The following CDK14 variants were observed in gnomAD, a reference collection of about 807,000 sequenced individuals.
The protein encoded by CDK14 is cyclin dependent kinase 14.
In CDK14, 34 loss-of-function variants were observed where a neutral mutation model predicts 60.7. That is an observed-to-expected ratio of 0.56 (90% CI 0.43 to 0.75). The LOEUF is 0.75. CDK14 is among the 30% of genes least tolerant of loss of function. The pLI, the probability that CDK14 is intolerant of heterozygous loss-of-function variation, is 0.00. For missense variants in CDK14, 482 were observed against 564.1 expected (o/e 0.85, Z 1.47); for synonymous variants, 197 against 203.7 (o/e 0.97, Z 0.28).
At chr7:90,739,565 C>G (rs1229336415) in intron 3 of CDK14, among the ~76,000 whole-genome samples, 1 of 152,076 alleles carries the variant, frequency 6.6e-6, no homozygotes, top group African/African-American at 2.4e-5. Flanking sequence ...TTATTTGTGC[C>G]TTTCCAGAAA....
At chr7:91,137,635 C>A (rs1384109258) in intron 14 of CDK14, among the ~76,000 whole-genome samples, 1 of 151,878 alleles carries the variant, frequency 6.6e-6, no homozygotes, top group Non-Finnish European at 1.5e-5. Flanking sequence ...CACGCACACA[C>A]ACACTCACAC....
intron 2 of CDK14, among the ~76,000 whole-genome samples, chr7:90,697,305 A>G (rs554503049): frequency 6.6e-6 from 1 of 152,280 alleles, no homozygotes; most frequent in South Asian, 2.1e-4. Flanking sequence ...CAGTCGCTAT[A>G]ACATGAGAAA....
At chr7:91,086,926 C>T (rs1003478090) in intron 12 of CDK14, among the ~76,000 whole-genome samples, 1 of 152,040 alleles carries the variant, frequency 6.6e-6, no homozygotes, top group Admixed American at 6.6e-5. Flanking sequence ...AAACACTATT[C>T]GCTTTTAGCG....
chr7:91,112,415 T>G, intron 12 of CDK14, 127 bp from the exon 13 acceptor site: 2 of 1,007,318 alleles, frequency 2.0e-6, no homozygotes, highest in Non-Finnish European at 2.9e-6. Context: ...CTTCTGTTTA[T>G]TTCAGCAGGT....
At chr7:90,774,179 C>T (rs1428916977) in intron 4 of CDK14, among the ~76,000 whole-genome samples, 2 of 151,914 alleles carry the variant, frequency 1.3e-5, no homozygotes, top group African/African-American at 4.8e-5. Context: ...GCTGAGATTA[C>T]AGGTGTGAGC....
intron 5 of CDK14, among the ~76,000 whole-genome samples, chr7:90,846,547 C>T (rs1790475860): frequency 6.6e-6 from 1 of 152,082 alleles, no homozygotes; most frequent in Non-Finnish European, 1.5e-5. Flanking sequence ...CTAAGCAGTA[C>T]CCCAGATTCT....
At chr7:91,087,472 A>G (rs966798654) in intron 12 of CDK14, among the ~76,000 whole-genome samples, 10 of 152,202 alleles carry the variant, frequency 6.6e-5, no homozygotes, top group Admixed American at 5.9e-4. Context: ...TAGTTCCACT[A>G]CTGAGCTGTG....
intron 2 of CDK14, among the ~76,000 whole-genome samples, chr7:90,671,369 G>T (rs1297131666): frequency 6.6e-6 from 1 of 151,666 alleles, no homozygotes; most frequent in Non-Finnish European, 1.5e-5. Context: ...GGTTATTTAG[G>T]TTCACTGTAG....
At chr7:90,762,394 C>G (rs910017200) in intron 4 of CDK14, among the ~76,000 whole-genome samples, 7 of 152,112 alleles carry the variant, frequency 4.6e-5, no homozygotes, top group Non-Finnish European at 1.0e-4. Context: ...AATTTTTGCT[C>G]TCTCTGGGAT....
rs576074563 is a variant in CDK14 at position 90,794,389 on chromosome 7, A to G, written c.544+3737A>G. 4.1e-3 allele frequency among the ~76,000 whole-genome samples: 626 copies of G among 152,290 alleles called. 2 individuals are homozygous for G. Among genetic ancestry groups the G allele is most frequent in the Non-Finnish European group, 6.9e-3 (469 of 68,022 alleles). On this transcript the variant is annotated intron_variant, in intron 5 of 14. Coordinates refer to ENST00000380050, the MANE Select transcript of CDK14 (RefSeq NM_001287135.2). The stretch of plus-strand genomic sequence containing the variant: ...TAGGCGGGAATTTCCTCATCCTAAT[A>G]AGCCTGCGAGCTCTATGGGAGACCA...
intron 14 of CDK14, among the ~76,000 whole-genome samples, chr7:91,185,485 T>TG (rs1802147980): frequency 6.6e-6 from 1 of 152,112 alleles, no homozygotes. Context: ...ACTTACCATA[T>TG]AGAACTACTT....
intron 2 of CDK14, chr7:90,709,388 A>G (rs1041635693): frequency 5.1e-6 from 7 of 1,383,094 alleles, no homozygotes; most frequent in Non-Finnish European, 6.5e-6. Flanking sequence ...TGAATTGAGC[A>G]TGATGAGGTG....
chr7:90,603,317 G>A (rs73221392), intron 1 of CDK14, among the ~76,000 whole-genome samples: 22,636 of 152,078 alleles, frequency 0.15, 1,797 homozygotes, highest in Middle Eastern at 0.24. Context: ...GAACAGTCAC[G>A]CATACTTGAT....
intron 5 of CDK14, among the ~76,000 whole-genome samples, chr7:90,803,716 C>G (rs1367569518): frequency 6.6e-6 from 1 of 152,100 alleles, no homozygotes; most frequent in South Asian, 2.1e-4. Flanking sequence ...AAATTGAGAA[C>G]TTTACAAGTC....
At chr7:90,985,331 TGAGGGATAATAACAGCACC>T (rs1345629612) in intron 10 of CDK14, among the ~76,000 whole-genome samples, 47 of 152,180 alleles carry the variant, frequency 3.1e-4, no homozygotes, top group African/African-American at 1.1e-3. Context: ...ATGGGTGAAA[TGAGGGATAATAACAGCACC>T]TTCTTCATAG....
Position 91,105,815 on chromosome 7 carries a change from C to G in CDK14, c.1155-6727C>G, listed in dbSNP as rs1353301315. Among the ~76,000 whole-genome samples the G allele has an allele frequency of 2.6e-5, 4 of 151,986 alleles. 1 individual carries two copies. Among genetic ancestry groups the G allele is most frequent in the Admixed American group, 2.6e-4 (4 of 15,244 alleles). The stretch of plus-strand genomic sequence containing the variant: ...AAATGTTGTAGTAAAGAAATAAGAT[C>G]ATATAAAAAACTTAAGAGACTATCA... On this transcript the variant is annotated intron_variant, in intron 12 of 14. Coordinates refer to ENST00000380050, the MANE Select transcript of CDK14 (RefSeq NM_001287135.2).
At chr7:90,820,901 A>G (rs886194939) in intron 5 of CDK14, among the ~76,000 whole-genome samples, 2 of 152,146 alleles carry the variant, frequency 1.3e-5, no homozygotes, top group Non-Finnish European at 2.9e-5. Context: ...GTTTTCATTA[A>G]CTGAAAGATA....
At chr7:90,605,237 C>T (rs368290260) in intron 2 of CDK14, among the ~76,000 whole-genome samples, 3 of 152,172 alleles carry the variant, frequency 2.0e-5, no homozygotes, top group African/African-American at 4.8e-5. Flanking sequence ...TCAGAGAGAA[C>T]CTGCTCCAGG....
At chr7:90,847,885 T>C (rs1239914805) in intron 5 of CDK14, among the ~76,000 whole-genome samples, 7 of 152,150 alleles carry the variant, frequency 4.6e-5, no homozygotes, top group African/African-American at 1.7e-4. Flanking sequence ...AAAAATGTAA[T>C]TTTTTTAGGT....
Sources: allele counts gnomAD v4.1 joint callset (sites outside exome capture counted in the v4.1 genomes callset), GRCh38; gene constraint gnomAD v4.1.1; transcripts MANE v1.5; gene names NCBI Gene and HGNC (gene_info 2026-07-23, HGNC 2026-07-21).